ARK2N: variants seen among roughly 807,000 people sequenced by gnomAD.
ARK2N encodes arkadia (RNF111) N-terminal like PKA signaling regulator 2N.
the ARK2N span, among the ~76,000 whole-genome samples, chr18:46,257,518 T>G: frequency 2.0e-5 from 3 of 152,228 alleles, no homozygotes; most frequent in Non-Finnish European, 4.4e-5. Context: ...CCTGGTTACC[T>G]AAATGTTATT....
chr18:46,207,593 T>A, the ARK2N span, among the ~76,000 whole-genome samples: 1 of 152,040 alleles, frequency 6.6e-6, no homozygotes, highest in Non-Finnish European at 1.5e-5. Context: ...TTTCACCATG[T>A]TGGCTAGGCT....
chr18:46,204,911 T>G, the ARK2N span, among the ~76,000 whole-genome samples: 5 of 148,326 alleles, frequency 3.4e-5, no homozygotes, highest in African/African-American at 7.4e-5. Context: ...TTCCCTGCTT[T>G]CTTTTCTTTT....
chr18:46,195,230 C>T, the ARK2N span, among the ~76,000 whole-genome samples: 1 of 146,236 alleles, frequency 6.8e-6, no homozygotes, highest in African/African-American at 2.5e-5. Context: ...ATGCTTTCTG[C>T]TTTCATTAAT....
chr18:46,257,732 G>A, the ARK2N span, among the ~76,000 whole-genome samples: 1 of 151,926 alleles, frequency 6.6e-6, no homozygotes, highest in South Asian at 2.1e-4. Flanking sequence ...ATTGCTCTAG[G>A]AAGAGGAATA....
At chr18:46,228,176 A>C in the ARK2N span, among the ~76,000 whole-genome samples, 1 of 152,234 alleles carries the variant, frequency 6.6e-6, no homozygotes, top group Non-Finnish European at 1.5e-5. Flanking sequence ...TAATGAATCT[A>C]CAGTCTTTAC....
chr18:46,182,775 A>G, the ARK2N span, among the ~76,000 whole-genome samples: 5 of 147,260 alleles, frequency 3.4e-5, no homozygotes, highest in Non-Finnish European at 5.9e-5. Flanking sequence ...GTCCAGGTAC[A>G]TGCCAGAAGT....
At chr18:46,263,339 T>C in the ARK2N span, 1 of 435,576 alleles carries the variant, frequency 2.3e-6, no homozygotes, top group African/African-American at 1.9e-5. Context: ...TTTCCCTCAG[T>C]AGGAATATAG....
the ARK2N span, chr18:46,264,363 A>G: frequency 2.0e-5 from 3 of 152,658 alleles, no homozygotes; most frequent in Non-Finnish European, 2.9e-5. Flanking sequence ...CAATACCTAG[A>G]GTTAGAACAC....
At chr18:46,183,728 T>A in the ARK2N span, among the ~76,000 whole-genome samples, 4 of 152,182 alleles carry the variant, frequency 2.6e-5, no homozygotes, top group African/African-American at 9.7e-5. Context: ...CTTTGGTTCT[T>A]GCATTGTCTG....
chr18:46,264,084 G>A, the ARK2N span: 2 of 152,432 alleles, frequency 1.3e-5, no homozygotes, highest in Non-Finnish European at 2.9e-5. Context: ...TTTAACATCC[G>A]AGATGAAGTG....
the ARK2N span, among the ~76,000 whole-genome samples, chr18:46,256,179 A>G: frequency 6.6e-6 from 1 of 152,202 alleles, no homozygotes; most frequent in Non-Finnish European, 1.5e-5. Context: ...TCAAATTTTA[A>G]TTCATTGTAC....
At chr18:46,252,305 C>G in the ARK2N span, among the ~76,000 whole-genome samples, 1 of 151,756 alleles carries the variant, frequency 6.6e-6, no homozygotes, top group Non-Finnish European at 1.5e-5. Flanking sequence ...GACAGAATCT[C>G]CCTCTGTCGC....
At chr18:46,197,422 C>T in the ARK2N span, among the ~76,000 whole-genome samples, 1,747 of 152,134 alleles carry the variant, frequency 0.011, 59 homozygotes, top group East Asian at 0.12. Context: ...TTAGTAGAAA[C>T]GGGGTTTCAC....
the ARK2N span, among the ~76,000 whole-genome samples, chr18:46,181,518 T>A: frequency 0.017 from 2,625 of 151,876 alleles, 68 homozygotes; most frequent in African/African-American, 0.06. Context: ...ATCGAGACCA[T>A]CCTGGCTAAC....
At chr18:46,240,206 C>T in the ARK2N span, 12 of 1,613,352 alleles carry the variant, frequency 7.4e-6, no homozygotes, top group African/African-American at 9.3e-5. Context: ...TCCCCATCCC[C>T]CTTCTCTAAC....
chr18:46,256,548 T>C, the ARK2N span, among the ~76,000 whole-genome samples: 1 of 152,238 alleles, frequency 6.6e-6, no homozygotes, highest in African/African-American at 2.4e-5. Context: ...ACAAAGTGAC[T>C]TTGTCTACAT....
the ARK2N span, among the ~76,000 whole-genome samples, chr18:46,257,892 G>A: frequency 6.6e-6 from 1 of 151,444 alleles, no homozygotes; most frequent in Non-Finnish European, 1.5e-5. Flanking sequence ...GTAGGAAGCT[G>A]TATTTGAGAC....
At chr18:46,209,117 G>A in the ARK2N span, among the ~76,000 whole-genome samples, 1 of 152,090 alleles carries the variant, frequency 6.6e-6, no homozygotes, top group Admixed American at 6.6e-5. Context: ...AACTAGAAAG[G>A]TGGGCAGGGG....
chr18:46,176,805 C>T, the ARK2N span, among the ~76,000 whole-genome samples: 3 of 152,124 alleles, frequency 2.0e-5, no homozygotes, highest in African/African-American at 7.2e-5. Context: ...TTAGTAGAGA[C>T]GGGTTTTCTC....
Sources: gnomAD v4.1 joint callset for allele counts (sites outside exome capture counted in the v4.1 genomes callset) on GRCh38, gnomAD v4.1.1 for gene constraint, MANE v1.5 for transcripts, NCBI Gene and HGNC (gene_info 2026-07-23, HGNC 2026-07-21) for gene names.